SLC16A7: variants seen among roughly 807,000 people sequenced by gnomAD.
The protein encoded by SLC16A7 is monocarboxylate transporter 2.
In SLC16A7, 33 loss-of-function variants were observed where a neutral mutation model predicts 34.9. The observed-to-expected ratio is 0.94, with a 90% confidence interval of 0.72 to 1.26. The LOEUF is 1.26. Among genes scored for constraint, SLC16A7 ranks in the 50% most tolerant of loss-of-function variants. The probability of loss-of-function intolerance (pLI) is 0.00; values close to 1 mark genes in which losing one functional copy is unlikely to be tolerated. For missense variants in SLC16A7, 573 were observed against 578.1 expected, an observed-to-expected ratio of 0.99 and a Z score of 0.09; for synonymous variants, 201 against 206.6, an observed-to-expected ratio of 0.97 and a Z score of 0.23.
At chr12:59,771,181 G>A (rs1345786895) in intron 3 of SLC16A7, 38 bp from the exon 4 acceptor site, 7 of 1,570,806 alleles carry the variant, frequency 4.5e-6, no homozygotes, top group Non-Finnish European at 6.0e-6. Context: ...TAAATGACAA[G>A]AGCAACTGAG....
At chr12:59,608,919 A>C (rs1879066326) in intron 1 of SLC16A7, among the ~76,000 whole-genome samples, 2 of 152,210 alleles carry the variant, frequency 1.3e-5, no homozygotes, top group African/African-American at 4.8e-5. Context: ...CCTAATTATG[A>C]CTGTTCATTG....
chr12:59,704,687 G>A lies in SLC16A7; in HGVS notation c.-30-85G>A, dbSNP rs1295003967. 41 of 666,146 alleles carry A rather than the reference G, an allele frequency of 6.2e-5. No homozygotes were observed. In the Admixed American group the frequency reaches 1.2e-3, roughly 19 times the overall value. 41.3% of individuals were successfully genotyped at this position (666,146 alleles called of 1,614,324 possible). ...GAAAAATCATATTGTAGTTTTAACT[G>A]GAAAGTACTATTTTAGTGACTATGA... On this transcript the variant is annotated intron_variant, in intron 2 of 5. Transcript: ENST00000547379.
At chr12:59,693,491 T>C (rs1871913048) in intron 2 of SLC16A7, among the ~76,000 whole-genome samples, 1 of 151,940 alleles carries the variant, frequency 6.6e-6, no homozygotes, top group Admixed American at 6.6e-5. Context: ...CCCGTATTGA[T>C]TCTAAAAGAA....
At chr12:59,746,830 T>A (rs1185151197) in intron 3 of SLC16A7, among the ~76,000 whole-genome samples, 5 of 152,176 alleles carry the variant, frequency 3.3e-5, no homozygotes, top group Admixed American at 2.6e-4. Flanking sequence ...TACTGTTGTT[T>A]GTATGTATGT....
intron 2 of SLC16A7, among the ~76,000 whole-genome samples, chr12:59,683,228 A>G (rs1870888345): frequency 6.6e-6 from 1 of 152,216 alleles, no homozygotes; most frequent in Non-Finnish European, 1.5e-5. Flanking sequence ...TGCAATTTGA[A>G]TAAAATGTAT....
chr12:59,640,802 AT>A lies in SLC16A7; in HGVS notation c.-129-14349del, dbSNP rs559178537. On this transcript the variant is annotated intron_variant, in intron 1 of 5. Coordinates refer to ENST00000547379, the MANE Select transcript of SLC16A7 (RefSeq NM_001270623.2). Reference sequence around the variant, plus strand: ...CCTCATAAAGAGTCTGATATTCTAAATGTATTTTCTAAAACATTAAAAAAAG... The same window carrying A: ...CCTCATAAAGAGTCTGATATTCTAAAGTATTTTCTAAAACATTAAAAAAAG... Among the ~76,000 whole-genome samples the A allele has an allele frequency of 3.5e-3, 526 of 152,164 alleles. 3 individuals carry two copies. The highest frequency in any genetic ancestry group is 0.012 in the African/African-American group (491 of 41,552).
chr12:59,625,271 G>A (rs1384157073), intron 1 of SLC16A7, among the ~76,000 whole-genome samples: 1 of 151,760 alleles, frequency 6.6e-6, no homozygotes, highest in Non-Finnish European at 1.5e-5. Flanking sequence ...CCATTCTGTT[G>A]CAATGCAAAA....
intron 3 of SLC16A7, among the ~76,000 whole-genome samples, chr12:59,750,302 T>G (rs1879369445): frequency 6.6e-6 from 1 of 152,122 alleles, no homozygotes; most frequent in African/African-American, 2.4e-5. Flanking sequence ...GAGAAAGATT[T>G]TGCAATCTAT....
chr12:59,781,328 A>G lies in SLC16A7; in HGVS notation c.*1649A>G, dbSNP rs1013631203. 1 of 152,466 alleles carries G rather than the reference A, an allele frequency of 6.6e-6. No individual in the cohort carries two copies. Among genetic ancestry groups the G allele is most frequent in the Non-Finnish European group, 1.5e-5 (1 of 68,006 alleles). 9.4% of individuals were successfully genotyped at this position (152,466 alleles called of 1,614,324 possible). A position where few individuals can be genotyped will look rare whatever the true frequency, so the allele number is the denominator to read the frequency against. Reference sequence around the variant, plus strand: ...ATTTAGTGCTTGACAAAGTAGTGTCACTCTTAAGATGTCAAAGGGAATTAG... The same window carrying G: ...ATTTAGTGCTTGACAAAGTAGTGTCGCTCTTAAGATGTCAAAGGGAATTAG... On this transcript the variant is annotated 3_prime_UTR_variant, in exon 6 of 6. Coordinates refer to ENST00000547379, the MANE Select transcript of SLC16A7 (RefSeq NM_001270623.2).
At chr12:59,775,534 G>T (rs543359461) in intron 5 of SLC16A7, 59 bp downstream of exon 5, 31 of 1,219,900 alleles carry the variant, frequency 2.5e-5, no homozygotes, top group Non-Finnish European at 3.4e-5. Flanking sequence ...CATTAACGGA[G>T]ACTTTATATA....
chr12:59,711,551 C>T (rs1215525222), intron 3 of SLC16A7, among the ~76,000 whole-genome samples: 1 of 152,172 alleles, frequency 6.6e-6, no homozygotes, highest in Non-Finnish European at 1.5e-5. Flanking sequence ...AACAGGGTCA[C>T]TCTGTTGCCC....
chr12:59,608,334 G>C (rs1303403900), intron 1 of SLC16A7, among the ~76,000 whole-genome samples: 2 of 152,190 alleles, frequency 1.3e-5, no homozygotes, highest in Non-Finnish European at 2.9e-5. Flanking sequence ...TCATAAAGCA[G>C]TGACAGCTTC....
chr12:59,637,101 T>C (rs1880463816), intron 1 of SLC16A7, among the ~76,000 whole-genome samples: 2 of 152,104 alleles, frequency 1.3e-5, no homozygotes, highest in South Asian at 4.1e-4. Flanking sequence ...TGCTCTGGCT[T>C]AGTAGAAAGA....
intron 3 of SLC16A7, among the ~76,000 whole-genome samples, chr12:59,732,401 CAA>C (rs1877061187): frequency 6.6e-6 from 1 of 152,218 alleles, no homozygotes; most frequent in South Asian, 2.1e-4. Flanking sequence ...GCCTGGGCGA[CAA>C]GAGCAAAACT....
chr12:59,659,438 T>C (rs1207002803), intron 2 of SLC16A7, among the ~76,000 whole-genome samples: 1 of 152,062 alleles, frequency 6.6e-6, no homozygotes, highest in African/African-American at 2.4e-5. Context: ...TACCCTCCAA[T>C]GTCTATTATT....
At chr12:59,696,747 G>A (rs921770698) in intron 2 of SLC16A7, among the ~76,000 whole-genome samples, 2 of 151,868 alleles carry the variant, frequency 1.3e-5, no homozygotes, top group Non-Finnish European at 1.5e-5. Flanking sequence ...TGGAATTTTT[G>A]GAATTGATTG....
At chr12:59,643,405 A>G (rs1426618002) in intron 1 of SLC16A7, among the ~76,000 whole-genome samples, 1 of 152,192 alleles carries the variant, frequency 6.6e-6, no homozygotes, top group African/African-American at 2.4e-5. Flanking sequence ...TGTCTCTTAC[A>G]TAGTTATTCA....
chr12:59,754,721 A>C (rs531507518), intron 3 of SLC16A7, among the ~76,000 whole-genome samples: 2 of 152,340 alleles, frequency 1.3e-5, no homozygotes, highest in East Asian at 3.9e-4. Flanking sequence ...TATTCCAATC[A>C]ATACAAAAAG....
chr12:59,768,620 C>T (rs186966124), intron 3 of SLC16A7, among the ~76,000 whole-genome samples: 9 of 152,266 alleles, frequency 5.9e-5, no homozygotes, highest in Non-Finnish European at 1.2e-4. Context: ...GGGTAAAATG[C>T]TGTCAAATGA....
Sources: allele counts gnomAD v4.1 joint callset (sites outside exome capture counted in the v4.1 genomes callset), GRCh38; gene constraint gnomAD v4.1.1; transcripts MANE v1.5; gene names NCBI Gene and HGNC (gene_info 2026-07-23, HGNC 2026-07-21).